Variants in TXNRD1 observed in about 807,000 individuals in gnomAD.
The protein encoded by TXNRD1 is thioredoxin reductase 1.
TXNRD1 carries 57 observed loss-of-function variants against 80.3 expected under a neutral mutation model. The ratio of observed to expected loss-of-function variants is 0.71; its 90% confidence interval spans 0.57 to 0.89. The LOEUF is 0.89. TXNRD1 is among the 40% of genes least tolerant of loss of function. TXNRD1 has a pLI of 0.00. For synonymous variants in TXNRD1, 291 were observed against 285.2 expected, an observed-to-expected ratio of 1.02 and a Z score of -0.20; for missense variants, 730 against 803.0, an observed-to-expected ratio of 0.91 and a Z score of 1.10.
chr12:104,249,706 T>C lies in TXNRD1; in HGVS notation c.92-1821T>C, dbSNP rs576820686. The stretch of plus-strand genomic sequence containing the variant: ...ATCTTAGCACTTTGGGAGGCCAAGG[T>C]GGGCAGATCACGAGGTCAGGAGATC... On this transcript the variant is annotated intron_variant, in intron 1 of 16. Transcript: ENST00000525566. Among the ~76,000 whole-genome samples, 6 of 152,026 alleles carry C rather than the reference T, an allele frequency of 3.9e-5. 1 individual carries two copies. The South Asian group carries it at 6.2e-4, about 16-fold the overall frequency.
intron 4 of TXNRD1, among the ~76,000 whole-genome samples, chr12:104,298,299 A>C (rs529850256): frequency 6.6e-6 from 1 of 152,352 alleles, no homozygotes; most frequent in Non-Finnish European, 1.5e-5. Flanking sequence ...TCAAAGTGTT[A>C]CTGTACACAC....
intron 2 of TXNRD1, among the ~76,000 whole-genome samples, chr12:104,254,154 T>A (rs2033188541): frequency 6.6e-6 from 1 of 152,198 alleles, no homozygotes. Flanking sequence ...TTTCCCCATC[T>A]GTAAAATGTG....
At position 104,215,842 on chromosome 12, in the gene TXNRD1, C is replaced by T; in HGVS notation, c.40C>T (p.Pro14Ser). The T allele has an allele frequency of 6.4e-7, 1 of 1,561,032 alleles. No individual in the cohort carries two copies. Among genetic ancestry groups the T allele is most frequent in the Non-Finnish European group, 8.7e-7 (1 of 1,153,856 alleles). The change falls in exon 1 of 17, where the codon CCA (proline) becomes TCA (serine). Residue 14 changes from proline (P) to serine (S), a missense_variant. Coordinates refer to ENST00000525566, the MANE Select transcript of TXNRD1 (RefSeq NM_001093771.3). ...AEGKAVAAAA[P>S]TELQTKGKNG... ...GGGCAAGGCAGTGGCGGCGGCCGCCCCAACGGAGCTGCAGACGAAAGGCAA... is the reference window on the plus strand; with the variant it reads ...GGGCAAGGCAGTGGCGGCGGCCGCCTCAACGGAGCTGCAGACGAAAGGCAA...
chr12:104,327,589 A>C lies in TXNRD1; in HGVS notation c.1460A>C (p.Glu487Ala), dbSNP rs754635705. The change falls in exon 13 of 17, where the codon GAG (glutamate) becomes GCG (alanine). Residue 487 changes from glutamate to alanine, a missense_variant. Glu to Ala is a moderately radical substitution (Grantham distance 107). Coordinates refer to ENST00000525566, the MANE Select transcript of TXNRD1 (RefSeq NM_001093771.3). ...ATCTATGCCATTGGCGATATATTGG[A>C]GGATAAGGTGGAGCTCACCCCAGTT... ...PYIYAIGDIL[E>A]DKVELTPVAI... The C allele has an allele frequency of 6.2e-7, 1 of 1,613,620 alleles. No individual in the cohort carries two copies. The highest frequency in any genetic ancestry group is 1.1e-5 in the South Asian group (1 of 91,020).
intron 3 of TXNRD1, among the ~76,000 whole-genome samples, chr12:104,274,271 C>A (rs2033711975): frequency 6.6e-6 from 1 of 152,006 alleles, no homozygotes; most frequent in African/African-American, 2.4e-5. Flanking sequence ...ATGAAGTGAC[C>A]ATAGCTTTCC....
intron 16 of TXNRD1, among the ~76,000 whole-genome samples, chr12:104,341,520 G>T (rs1013051921): frequency 2.0e-5 from 3 of 152,172 alleles, no homozygotes; most frequent in Non-Finnish European, 2.9e-5. Context: ...AGGCACTGGG[G>T]TGCCACATTT....
rs1288085036 is a variant in TXNRD1 at position 104,252,663 on chromosome 12, TATA to T, written c.243+986_243+988del. On this transcript the variant is annotated intron_variant, in intron 2 of 16. Transcript: ENST00000525566. ...ACTGAGAGGTTAATTTATTATTTTT[TATA>T]TATATATATATATATATATATATAT... Among the ~76,000 whole-genome samples the T allele has an allele frequency of 2.1e-3, 50 of 23,636 alleles. 2 individuals carry two copies. The highest frequency in any genetic ancestry group is 7.5e-3 in the African/African-American group (47 of 6,280). 15.5% of individuals were successfully genotyped at this position (23,636 alleles called of 152,430 possible).
intron 13 of TXNRD1, among the ~76,000 whole-genome samples, chr12:104,329,631 GAGTAA>G (rs2035882131): frequency 6.6e-6 from 1 of 151,488 alleles, no homozygotes; most frequent in African/African-American, 2.4e-5. Context: ...CTGGGCATCA[GAGTAA>G]GACCCTGTCT....
intron 1 of TXNRD1, among the ~76,000 whole-genome samples, chr12:104,217,002 G>A (rs2032230104): frequency 6.6e-6 from 1 of 152,176 alleles, no homozygotes; most frequent in Non-Finnish European, 1.5e-5. Flanking sequence ...TTCTTGTTAG[G>A]GGAAGCAGCC....
chr12:104,289,802 G>A (rs1456003550), intron 4 of TXNRD1, among the ~76,000 whole-genome samples: 4 of 151,884 alleles, frequency 2.6e-5, no homozygotes, highest in African/African-American at 4.8e-5. Context: ...GCGTGATCTT[G>A]TATCACTGCA....
intron 3 of TXNRD1, 72 bp from the exon 4 acceptor site, chr12:104,288,859 C>G (rs759565490): frequency 1.2e-6 from 2 of 1,612,762 alleles, no homozygotes; most frequent in Non-Finnish European, 8.5e-7. Flanking sequence ...AAGCCCCGCC[C>G]CCGGCGCAGT....
chr12:104,335,626 G>A (rs1271752520), intron 15 of TXNRD1, among the ~76,000 whole-genome samples: 2 of 152,098 alleles, frequency 1.3e-5, no homozygotes, highest in Non-Finnish European at 2.9e-5. Context: ...TTTTTTGACT[G>A]TGGGACACTG....
chr12:104,246,414 C>T (rs1341720943), intron 1 of TXNRD1, among the ~76,000 whole-genome samples: 1 of 150,928 alleles, frequency 6.6e-6, no homozygotes, highest in Non-Finnish European at 1.5e-5. Context: ...GGCGACAGTG[C>T]GAGACTCCAT....
chr12:104,288,971 C>G lies in TXNRD1; in HGVS notation c.345C>G (p.Ala115=). Reference sequence around the variant, plus strand: ...TGGAAGGAACGCTCTCGGAATTGGCCGCGGAAACCGATCTGCCCGTTGTGT... The same window carrying G: ...TGGAAGGAACGCTCTCGGAATTGGCGGCGGAAACCGATCTGCCCGTTGTGT... ...RALEGTLSEL[A]AETDLPVVFV... The change falls in exon 4 of 17, where the codon GCC becomes GCG. Residue 115 remains alanine, a synonymous_variant. Coordinates refer to ENST00000525566, the MANE Select transcript of TXNRD1 (RefSeq NM_001093771.3). The G allele has an allele frequency of 1.2e-6, 2 of 1,613,996 alleles. No homozygotes were observed. Among genetic ancestry groups the G allele is most frequent in the Non-Finnish European group, 1.7e-6 (2 of 1,179,880 alleles).
chr12:104,247,161 G>A (rs2033013026), intron 1 of TXNRD1, among the ~76,000 whole-genome samples: 1 of 151,882 alleles, frequency 6.6e-6, no homozygotes, highest in African/African-American at 2.4e-5. Flanking sequence ...TATGCCTCCC[G>A]GGTTCAAGTG....
At chr12:104,273,577 A>G (rs2034299103) in intron 3 of TXNRD1, among the ~76,000 whole-genome samples, 1 of 152,150 alleles carries the variant, frequency 6.6e-6, no homozygotes, top group African/African-American at 2.4e-5. Flanking sequence ...TGGGCAACAG[A>G]GTGAGAATCC....
intron 1 of TXNRD1, among the ~76,000 whole-genome samples, chr12:104,227,098 G>A (rs1290867255): frequency 6.6e-6 from 1 of 152,092 alleles, no homozygotes; most frequent in African/African-American, 2.4e-5. Flanking sequence ...TGAAAGTAGT[G>A]ATCCTTAAAT....
intron 3 of TXNRD1, among the ~76,000 whole-genome samples, chr12:104,277,563 CAA>C (rs967431580): frequency 2.0e-5 from 3 of 151,904 alleles, no homozygotes; most frequent in African/African-American, 7.3e-5. Context: ...ATTCTGTCTC[CAA>C]AAAACAAACA....
chr12:104,220,289 TGTAGA>T (rs2032321418), intron 1 of TXNRD1, among the ~76,000 whole-genome samples: 1 of 152,224 alleles, frequency 6.6e-6, no homozygotes, highest in Non-Finnish European at 1.5e-5. Context: ...GCTAGATAAT[TGTAGA>T]GTAATCTTGC....
Sources: gnomAD v4.1 joint callset for allele counts (sites outside exome capture counted in the v4.1 genomes callset) on GRCh38, gnomAD v4.1.1 for gene constraint, MANE v1.5 for transcripts, NCBI Gene and HGNC (gene_info 2026-07-23, HGNC 2026-07-21) for gene names.